ACAD10: variants seen among roughly 807,000 people sequenced by gnomAD.
The protein encoded by ACAD10 is ACAD-10.
In ACAD10, 112 loss-of-function variants were observed where a neutral mutation model predicts 116.8. That is an observed-to-expected ratio of 0.96 (90% CI 0.82 to 1.12). ACAD10 has a LOEUF of 1.12. Among genes scored for constraint, ACAD10 ranks in the 50% most tolerant of loss-of-function variants. The pLI is 0.00. For synonymous variants in ACAD10, 486 were observed against 510.6 expected (o/e 0.95, Z 0.65); for missense variants, 1,259 against 1,350.2 (o/e 0.93, Z 1.06).
chr12:111,736,248 G>A (rs1011934252), intron 11 of ACAD10, among the ~76,000 whole-genome samples: 9 of 146,278 alleles, frequency 6.2e-5, no homozygotes, highest in African/African-American at 1.5e-4. Context: ...GTGCAGTGGC[G>A]TGATCTCAGC....
chr12:111,727,726 C>T (rs940671714), intron 8 of ACAD10, among the ~76,000 whole-genome samples: 7 of 151,834 alleles, frequency 4.6e-5, no homozygotes, highest in African/African-American at 7.3e-5. Context: ...TGTGTGTGCA[C>T]GTGTGTATGT....
intron 14 of ACAD10, 144 bp from the exon 15 acceptor site, chr12:111,746,905 T>C: frequency 1.9e-6 from 2 of 1,077,314 alleles, no homozygotes; most frequent in African/African-American, 3.2e-5. Context: ...AGCTGAGGCA[T>C]GGGAGGATGG....
At chr12:111,703,509 C>T (rs762477613) in intron 3 of ACAD10, among the ~76,000 whole-genome samples, 2 of 152,024 alleles carry the variant, frequency 1.3e-5, no homozygotes, top group Non-Finnish European at 2.9e-5. Context: ...GATGGTTGCA[C>T]GACAACACGA....
chr12:111,712,416 A>G (rs371197861), intron 5 of ACAD10, 82 bp from the exon 6 acceptor site: 2 of 1,293,866 alleles, frequency 1.5e-6, no homozygotes, highest in African/African-American at 3.0e-5. Flanking sequence ...ATATACGTGT[A>G]TATATTCTCA....
rs548714217 is a variant in ACAD10, at chr12:111,729,802, G to A, written c.1244-4G>A. 1.6e-5 allele frequency: 25 copies of A among 1,610,498 alleles called. No individual in the cohort carries two copies. Among genetic ancestry groups the A allele is most frequent in the East Asian group, 2.2e-5 (1 of 44,768 alleles). On this transcript the variant is annotated splice_region_variant and splice_polypyrimidine_tract_variant and intron_variant, in intron 9 of 20. Transcript: ENST00000313698. Reference sequence around the variant, plus strand: ...ACACCAAGTTCTAATCCTATTTCCCGCAGGGGACTATATTCCACGCCAGGT... The same window carrying A: ...ACACCAAGTTCTAATCCTATTTCCCACAGGGGACTATATTCCACGCCAGGT...
chr12:111,699,290 C>A (rs1002076858), intron 2 of ACAD10, among the ~76,000 whole-genome samples: 1 of 152,122 alleles, frequency 6.6e-6, no homozygotes, highest in Admixed American at 6.6e-5. Flanking sequence ...AACTTAATTT[C>A]TATTCCATAT....
chr12:111,719,488 A>G (rs1441112172), intron 7 of ACAD10, among the ~76,000 whole-genome samples: 3 of 151,954 alleles, frequency 2.0e-5, no homozygotes, highest in Non-Finnish European at 4.4e-5. Flanking sequence ...TCCTGACCTC[A>G]TGATCCACCT....
At chr12:111,707,856 A>G (rs1390440333) in intron 4 of ACAD10, among the ~76,000 whole-genome samples, 1 of 152,220 alleles carries the variant, frequency 6.6e-6, no homozygotes, top group Non-Finnish European at 1.5e-5. Flanking sequence ...GTTTGTAAAG[A>G]TGCTGGGTCT....
At chr12:111,741,998 T>C (rs1439620587) in intron 12 of ACAD10, among the ~76,000 whole-genome samples, 2 of 152,166 alleles carry the variant, frequency 1.3e-5, no homozygotes, top group Non-Finnish European at 2.9e-5. Flanking sequence ...CATGTGTCCT[T>C]CTCCTTCCTT....
At chr12:111,732,772 G>A (rs1334088078) in intron 10 of ACAD10, among the ~76,000 whole-genome samples, 6 of 152,196 alleles carry the variant, frequency 3.9e-5, no homozygotes, top group South Asian at 2.1e-4. Context: ...GTGGAGTCCC[G>A]GGGCCAGTAA....
chr12:111,723,791 G>T (rs573013386), intron 8 of ACAD10, among the ~76,000 whole-genome samples: 1 of 151,692 alleles, frequency 6.6e-6, no homozygotes, highest in East Asian at 2.0e-4. Flanking sequence ...CTTCTCAGAT[G>T]GGGCGGCTGC....
intron 6 of ACAD10, among the ~76,000 whole-genome samples, chr12:111,713,317 A>T (rs570032033): frequency 2.3e-5 from 3 of 132,680 alleles, no homozygotes; most frequent in Non-Finnish European, 3.2e-5. Context: ...TCTCGGGGGG[A>T]AAAAAAAAAA....
chr12:111,715,290 A>G (rs958266769), intron 6 of ACAD10, among the ~76,000 whole-genome samples: 61 of 152,238 alleles, frequency 4.0e-4, no homozygotes, highest in Non-Finnish European at 7.6e-4. Context: ...GGATCCTGCA[A>G]GGGAGCCACA....
intron 10 of ACAD10, among the ~76,000 whole-genome samples, chr12:111,733,277 T>G (rs1360379997): frequency 3.3e-5 from 5 of 152,132 alleles, no homozygotes; most frequent in Non-Finnish European, 7.4e-5. Flanking sequence ...TTTAAATTTT[T>G]TTTTGTAGAG....
intron 1 of ACAD10, among the ~76,000 whole-genome samples, chr12:111,688,642 A>C (rs1447251569): frequency 6.6e-6 from 1 of 151,852 alleles, no homozygotes; most frequent in Non-Finnish European, 1.5e-5. Flanking sequence ...TCTCCACTAT[A>C]AAAATACAAA....
chr12:111,753,688 C>A, intron 18 of ACAD10, 84 bp from the exon 19 acceptor site: 1 of 1,590,292 alleles, frequency 6.3e-7, no homozygotes, highest in Non-Finnish European at 8.6e-7. Context: ...TGCTTCCACC[C>A]AGCTCTGCAG....
At chr12:111,743,370 T>TTG (rs1566165478) in intron 12 of ACAD10, among the ~76,000 whole-genome samples, 1 of 134,400 alleles carries the variant, frequency 7.4e-6, no homozygotes, top group African/African-American at 3.1e-5. Context: ...AAATATTCTG[T>TTG]TTTTTTTTTT....
intron 7 of ACAD10, among the ~76,000 whole-genome samples, chr12:111,718,686 G>A (rs1487419189): frequency 6.6e-6 from 1 of 151,614 alleles, no homozygotes; most frequent in African/African-American, 2.4e-5. Context: ...CACCATGTTG[G>A]TCAGGCTGGT....
At chr12:111,722,209 C>T (rs1313408077) in intron 8 of ACAD10, among the ~76,000 whole-genome samples, 2 of 151,860 alleles carry the variant, frequency 1.3e-5, no homozygotes, top group East Asian at 1.9e-4. Flanking sequence ...TTACAGGTGC[C>T]CCCTACTATG....
Sources: gnomAD v4.1 joint callset for allele counts (sites outside exome capture counted in the v4.1 genomes callset) on GRCh38, gnomAD v4.1.1 for gene constraint, MANE v1.5 for transcripts, NCBI Gene and HGNC (gene_info 2026-07-23, HGNC 2026-07-21) for gene names.